The following PDE8B variants were observed in gnomAD, a reference collection of about 807,000 sequenced individuals.
PDE8B encodes phosphodiesterase 8B.
In PDE8B, 26 loss-of-function variants were observed where a neutral mutation model predicts 101.3. The ratio of observed to expected loss-of-function variants is 0.26; its 90% CI spans 0.19 to 0.36. The LOEUF is 0.36. PDE8B is among the 10% of genes least tolerant of loss of function. PDE8B has a pLI of 1.00. For synonymous variants in PDE8B, 424 were observed against 429.3 expected (o/e 0.99, Z 0.15); for missense variants, 810 against 1,163.1 (o/e 0.70, Z 4.42).
chr5:77,390,018 C>A (rs1365853364), intron 10 of PDE8B, among the ~76,000 whole-genome samples: 1 of 152,094 alleles, frequency 6.6e-6, no homozygotes, highest in African/African-American at 2.4e-5. Flanking sequence ...GGCCTTTTTT[C>A]CAAAGTGGTT....
chr5:77,251,648 A>T (rs141837602), intron 1 of PDE8B, among the ~76,000 whole-genome samples: 1 of 152,132 alleles, frequency 6.6e-6, no homozygotes. Flanking sequence ...CTTGAACTCC[A>T]AGTAAATAAA....
upstream of PDE8B, chr5:77,210,486 G>A (rs1292656829): frequency 1.6e-5 from 5 of 319,284 alleles, no homozygotes; most frequent in Non-Finnish European, 2.3e-5. The surrounding 1 kb of genome is among the most constrained non-coding windows in gnomAD (Gnocchi z 4.9). Context: ...ACCGAAAGTG[G>A]GGAAAGAAGG....
At chr5:77,368,455 A>G (rs1784514223) in intron 10 of PDE8B, among the ~76,000 whole-genome samples, 1 of 152,128 alleles carries the variant, frequency 6.6e-6, no homozygotes, top group East Asian at 1.9e-4. Context: ...GGTATACTGC[A>G]TATTCAAAGG....
chr5:77,351,117 A>G lies in PDE8B; in HGVS notation c.1070A>G (p.Gln357Arg). The change falls in exon 9 of 22, where the codon CAG (glutamine) becomes CGG (arginine). Residue 357 changes from glutamine to arginine, a missense_variant. By Grantham distance (43) the Gln-to-Arg change is conservative. This residue lies in a region of PDE8B where 251 missense variants were observed against 378.8 expected (regional missense o/e 0.66). Transcript: ENST00000264917. ...CGGAAATCCGGGGACAGCATCCAACAGCACGTGAAGATCACCCCAGTGATT... is the reference window on the plus strand; with the variant it reads ...CGGAAATCCGGGGACAGCATCCAACGGCACGTGAAGATCACCCCAGTGATT... ...ARRKSGDSIQQHVKITPVIGQ... is the reference protein window; with the variant it reads ...ARRKSGDSIQRHVKITPVIGQ... The G allele has an allele frequency of 6.2e-7, 1 of 1,614,080 alleles. No homozygotes were observed. Among genetic ancestry groups the G allele is most frequent in the Non-Finnish European group, 8.5e-7 (1 of 1,179,894 alleles).
At chr5:77,332,420 C>A (rs569807644) in intron 5 of PDE8B, among the ~76,000 whole-genome samples, 1 of 152,220 alleles carries the variant, frequency 6.6e-6, no homozygotes, top group African/African-American at 2.4e-5. Flanking sequence ...CTGGCTTAAA[C>A]TATAAACATC....
intron 17 of PDE8B, among the ~76,000 whole-genome samples, chr5:77,416,058 T>C (rs1795478878): frequency 6.6e-6 from 1 of 152,190 alleles, no homozygotes; most frequent in Admixed American, 6.5e-5. Flanking sequence ...AGGGCCTTGC[T>C]ACTCTCCTCT....
intron 1 of PDE8B, chr5:77,290,492 A>C: frequency 1.4e-6 from 2 of 1,466,554 alleles, no homozygotes; most frequent in Non-Finnish European, 1.9e-6. Flanking sequence ...AAATCTGGGC[A>C]GATATTCCTG....
the PDE8B span, among the ~76,000 whole-genome samples, chr5:77,092,755 A>G: frequency 6.6e-6 from 1 of 152,144 alleles, no homozygotes; most frequent in East Asian, 1.9e-4. Context: ...CACCTCTTAA[A>G]AAAAAAATAC....
intron 1 of PDE8B, among the ~76,000 whole-genome samples, chr5:77,258,048 G>A (rs1453981079): frequency 6.6e-6 from 1 of 151,716 alleles, no homozygotes; most frequent in Non-Finnish European, 1.5e-5. Context: ...CAGCACTTTG[G>A]GAGGCTGAGG....
chr5:77,122,847 A>T, the PDE8B span, among the ~76,000 whole-genome samples: 2,052 of 152,320 alleles, frequency 0.013, 48 homozygotes, highest in African/African-American at 0.045. Context: ...AACTATTTTA[A>T]GACATTGGGT....
the PDE8B span, among the ~76,000 whole-genome samples, chr5:77,090,279 G>A: frequency 9.2e-5 from 14 of 152,016 alleles, no homozygotes; most frequent in East Asian, 1.2e-3. Flanking sequence ...TTGCTCTGTC[G>A]CCCAGGCTGG....
intron 10 of PDE8B, among the ~76,000 whole-genome samples, chr5:77,392,726 A>G (rs1032720978): frequency 6.6e-6 from 1 of 152,196 alleles, no homozygotes; most frequent in African/African-American, 2.4e-5. Flanking sequence ...CTCTTCTATG[A>G]TGGTCTCTTA....
the PDE8B span, among the ~76,000 whole-genome samples, chr5:77,161,244 T>C: frequency 1.3e-5 from 2 of 152,180 alleles, no homozygotes; most frequent in Admixed American, 1.3e-4. Context: ...ATTTCCATAA[T>C]TTTAGGTTAC....
At chr5:77,297,376 T>A (rs780260601) in intron 1 of PDE8B, among the ~76,000 whole-genome samples, 3 of 152,132 alleles carry the variant, frequency 2.0e-5, no homozygotes, top group Non-Finnish European at 4.4e-5. Flanking sequence ...TCAACACCAG[T>A]AGTTCCCAAA....
At chr5:77,345,999 A>C (rs377240980) in intron 7 of PDE8B, among the ~76,000 whole-genome samples, 1 of 152,194 alleles carries the variant, frequency 6.6e-6, no homozygotes, top group Non-Finnish European at 1.5e-5. Context: ...TCTCATTTCT[A>C]TTCAATAAGG....
At chr5:77,295,423 C>G (rs1187383226) in intron 1 of PDE8B, among the ~76,000 whole-genome samples, 1 of 152,158 alleles carries the variant, frequency 6.6e-6, no homozygotes. Flanking sequence ...TCTCAGAATT[C>G]CATAAGTGTT....
chr5:77,397,234 T>G (rs1328432029), intron 10 of PDE8B, among the ~76,000 whole-genome samples: 2 of 151,938 alleles, frequency 1.3e-5, no homozygotes, highest in Non-Finnish European at 2.9e-5. Context: ...TTCACCATAT[T>G]TGTTAGGCTG....
At chr5:77,269,418 C>T (rs1489459095) in intron 1 of PDE8B, among the ~76,000 whole-genome samples, 15 of 152,056 alleles carry the variant, frequency 9.9e-5, no homozygotes, top group African/African-American at 3.4e-4. Context: ...TCTCCCATTC[C>T]GTGGGTTGTC....
At chr5:77,378,557 T>C (rs1393849959) in intron 10 of PDE8B, among the ~76,000 whole-genome samples, 1 of 151,652 alleles carries the variant, frequency 6.6e-6, no homozygotes, top group African/African-American at 2.4e-5. Context: ...AACTGTAGTG[T>C]GTAATTGAAT....
Sources: gnomAD v4.1 joint callset for allele counts (sites outside exome capture counted in the v4.1 genomes callset) on GRCh38, gnomAD v4.1.1 for gene constraint, gnomAD v4.1.1 regional missense constraint, Gnocchi (gnomAD v3.1) non-coding constraint, MANE v1.5 for transcripts, NCBI Gene and HGNC (gene_info 2026-07-23, HGNC 2026-07-21) for gene names.